Variants in ATP5MGL observed in about 807,000 individuals in gnomAD.
ATP5MGL encodes ATP synthase subunit g 2, mitochondrial.
For synonymous variants in ATP5MGL, 56 were observed against 48.3 expected (o/e 1.16, Z -0.66); for missense variants, 119 against 123.1 (o/e 0.97, Z 0.16).
chr22:42,640,061 C>A, the ATP5MGL span: 5 of 1,613,706 alleles, frequency 3.1e-6, no homozygotes, highest in Admixed American at 8.3e-5. Context: ...AGCAAAGCTT[C>A]CTTAACTGTG....
In ATP5MGL at chr22:42,640,136, G is replaced by C. The variant is rs778222320; in HGVS notation, c.139C>G (p.Pro47Ala). ...TTTTTCAGGCTCTGAATAGCTCTAG[G>C]GATCTCAGCAGGGGTGGGAGGAACC... ...ELVPPTPAEI[P>A]RAIQSLKKIV... The change falls in exon 1 of 1, where the codon CCT (proline) becomes GCT (alanine). Residue 47 changes from proline (P) to alanine (A), a missense_variant. Pro to Ala is a conservative substitution (Grantham distance 27). Coordinates refer to ENST00000505920, the MANE Select transcript of ATP5MGL (RefSeq NM_001165877.1). The C allele has an allele frequency of 3.7e-6, 6 of 1,613,694 alleles. No homozygotes were observed. Among genetic ancestry groups the C allele is most frequent in the Middle Eastern group, 1.6e-4 (1 of 6,062 alleles).
Position 42,640,491 on chromosome 22 carries a change from GC to G in ATP5MGL, c.-218del, listed in dbSNP as rs1214637438. The G allele has an allele frequency of 4.0e-6, 1 of 249,674 alleles. No individual in the cohort carries two copies. Among genetic ancestry groups the G allele is most frequent in the African/African-American group, 2.2e-5 (1 of 45,060 alleles). 15.5% of individuals were successfully genotyped at this position (249,674 alleles called of 1,614,324 possible). On this transcript the variant is annotated 5_prime_UTR_variant, in exon 1 of 1. Transcript: ENST00000505920. ...CCTCCCGGGTTCAAGTGATTTTCCT[GC>G]CTCAGCCTCCCGAGTAGCTGGGATT...
In ATP5MGL at chr22:42,640,041, C is replaced by G. The variant is rs780233162; in HGVS notation, c.234G>C (p.Leu78Phe). The change falls in exon 1 of 1, where the codon TTG (leucine) becomes TTC (phenylalanine). Residue 78 changes from leucine to phenylalanine, a missense_variant. By Grantham distance (22) the Leu-to-Phe change is conservative. Coordinates refer to ENST00000505920, the MANE Select transcript of ATP5MGL (RefSeq NM_001165877.1). ...LTVKEALLNG[L>F]VATEVSTWFY... Reference sequence around the variant, plus strand: ...ACCACGTCGACACCTCAGTGGCCACCAAACCGTTCAGCAAAGCTTCCTTAA... The same window carrying G: ...ACCACGTCGACACCTCAGTGGCCACGAAACCGTTCAGCAAAGCTTCCTTAA... 6.2e-7 allele frequency: 1 copy of G among 1,613,670 alleles called. No homozygotes were observed. Among genetic ancestry groups the G allele is most frequent in the East Asian group, 2.2e-5 (1 of 44,890 alleles).
Position 42,640,359 on chromosome 22 carries a change from T to G in ATP5MGL, c.-85A>C, listed in dbSNP as rs1929189598. On this transcript the variant is annotated 5_prime_UTR_variant, in exon 1 of 1. Coordinates refer to ENST00000505920, the MANE Select transcript of ATP5MGL (RefSeq NM_001165877.1). ...GACCCTGCGTGGTTCACTTATTTATTTATTTATTTATTTATTTATTTATTT... is the reference window on the plus strand; with the variant it reads ...GACCCTGCGTGGTTCACTTATTTATGTATTTATTTATTTATTTATTTATTT... 1 of 396,536 alleles carries G rather than the reference T, an allele frequency of 2.5e-6. No homozygotes were observed. The highest frequency in any genetic ancestry group is 3.4e-6 in the Non-Finnish European group (1 of 290,208). The allele number at this position is 396,536 out of a possible 1,614,324, so 24.6% of individuals were successfully genotyped here. A position where few individuals can be genotyped will look rare whatever the true frequency, so the allele number is the denominator to read the frequency against.
rs376776418 is a variant in ATP5MGL, at chr22:42,640,192, G to A, written c.83C>T (p.Ala28Val). 4.3e-5 allele frequency: 69 copies of A among 1,609,208 alleles called. No individual in the cohort carries two copies. In the African/African-American group the frequency reaches 7.6e-4, roughly 18 times the overall value. Residue 28 changes from alanine (A) to valine (V), a missense_variant, in exon 1 of 1, where the codon GCC becomes GTC. Coordinates refer to ENST00000505920, the MANE Select transcript of ATP5MGL (RefSeq NM_001165877.1). ...AAVTYLKPRL[A>V]AFWYYTTVEL... ...AACCGTGGTGTAGTACCAAAATGCG[G>A]CCAATCGAGGCTTCAAGTAAGTCAC...
rs529324150 is a variant in ATP5MGL at position 42,640,283 on chromosome 22, G to A, written c.-9C>T. ...CGGACAAATGGAGCCATGGTTCTGG[G>A]ATGGAAAGTCCATCATCCCGAATGG... On this transcript the variant is annotated 5_prime_UTR_variant, in exon 1 of 1. Coordinates refer to ENST00000505920, the MANE Select transcript of ATP5MGL (RefSeq NM_001165877.1). The A allele has an allele frequency of 1.3e-6, 2 of 1,550,120 alleles. No homozygotes were observed. Among genetic ancestry groups the A allele is most frequent in the African/African-American group, 1.4e-5 (1 of 73,390 alleles).
chr22:42,640,233 T>G lies in ATP5MGL; in HGVS notation c.42A>C (p.Ala14=). 2 of 1,588,946 alleles carry G rather than the reference T, an allele frequency of 1.3e-6. No homozygotes were observed. Among genetic ancestry groups the G allele is most frequent in the Non-Finnish European group, 1.7e-6 (2 of 1,170,214 alleles). Residue 14 remains alanine, a synonymous_variant, in exon 1 of 1, where the codon GCA becomes GCC. Coordinates refer to ENST00000505920, the MANE Select transcript of ATP5MGL (RefSeq NM_001165877.1). ...FVRNLVEKTP[A]LVNAAVTYLK... is the part of the protein sequence containing the mutation. Reference sequence around the variant, plus strand: ...AGTAAGTCACAGCAGCATTCACCAGTGCTGGGGTCTTCTCCACAAGGTTAC... The same window carrying G: ...AGTAAGTCACAGCAGCATTCACCAGGGCTGGGGTCTTCTCCACAAGGTTAC...
rs1364653192 is a variant in ATP5MGL, at chr22:42,640,438, G to C, written c.-164C>G. On this transcript the variant is annotated 5_prime_UTR_variant, in exon 1 of 1. Transcript: ENST00000505920. The stretch of plus-strand genomic sequence containing the variant: ...CTATCACCCAGGCTGGAGTACAGTG[G>C]TGTGATCTTGGCTAACTGTGACCTC... 1 of 462,308 alleles carries C rather than the reference G, an allele frequency of 2.2e-6. No individual in the cohort carries two copies. Among genetic ancestry groups the C allele is most frequent in the Non-Finnish European group, 3.2e-6 (1 of 314,064 alleles). 28.6% of individuals were successfully genotyped at this position (462,308 alleles called of 1,614,324 possible).
rs1405675341 is a variant in ATP5MGL, at chr22:42,640,106, C to G, written c.169G>C (p.Val57Leu). The G allele has an allele frequency of 3.7e-6, 6 of 1,613,918 alleles. No homozygotes were observed. Among genetic ancestry groups the G allele is most frequent in the South Asian group, 3.3e-5 (3 of 91,088 alleles). Residue 57 changes from valine (V) to leucine (L), a missense_variant, in exon 1 of 1, where the codon GTC becomes CTC. Val to Leu is a conservative substitution (Grantham distance 32). Coordinates refer to ENST00000505920, the MANE Select transcript of ATP5MGL (RefSeq NM_001165877.1). The stretch of plus-strand genomic sequence containing the variant: ...AAGCTACCAGTCTGAGCACTACTGA[C>G]TATTTTTTTCAGGCTCTGAATAGCT... ...PRAIQSLKKI[V>L]SSAQTGSFKQ...
rs1485234483 is a variant in ATP5MGL at position 42,640,262 on chromosome 22, C to A, written c.13G>T (p.Val5Phe). The stretch of plus-strand genomic sequence containing the variant: ...GGGGTCTTCTCCACAAGGTTACGGA[C>A]AAATGGAGCCATGGTTCTGGGATGG... The part of the protein sequence containing the change: MAPF[V>F]RNLVEKTPAL... The change falls in exon 1 of 1, where the codon GTC becomes TTC. Residue 5 changes from valine (V) to phenylalanine (F), a missense_variant. By Grantham distance (50) the Val-to-Phe change is conservative (BLOSUM62 -1). Transcript: ENST00000505920. The A allele has an allele frequency of 6.4e-7, 1 of 1,563,006 alleles. No individual in the cohort carries two copies. The highest frequency in any genetic ancestry group is 8.6e-7 in the Non-Finnish European group (1 of 1,157,370).
In ATP5MGL at chr22:42,640,297, C is replaced by T. The variant is rs1030454242; in HGVS notation, c.-23G>A. ...CATGGTTCTGGGATGGAAAGTCCATCATCCCGAATGGCCAGCTGAAGGTCA... is the reference window on the plus strand; with the variant it reads ...CATGGTTCTGGGATGGAAAGTCCATTATCCCGAATGGCCAGCTGAAGGTCA... On this transcript the variant is annotated 5_prime_UTR_variant, in exon 1 of 1. An upstream start codon of the reference 5' UTR is lost. Coordinates refer to ENST00000505920, the MANE Select transcript of ATP5MGL (RefSeq NM_001165877.1). The T allele has an allele frequency of 9.8e-6, 15 of 1,537,336 alleles. No homozygotes were observed. In the Admixed American group the frequency reaches 2.3e-4, roughly 24 times the overall value.
rs1232111681 is a variant in ATP5MGL, at chr22:42,640,067, C to T, written c.208G>A (p.Val70Ile). 1.2e-6 allele frequency: 2 copies of T among 1,613,882 alleles called. No individual in the cohort carries two copies. The highest frequency in any genetic ancestry group is 4.5e-5 in the East Asian group (2 of 44,892). Reference protein sequence around the residue: ...AQTGSFKQLTVKEALLNGLVA... With the variant: ...AQTGSFKQLTIKEALLNGLVA... ...AAACCGTTCAGCAAAGCTTCCTTAACTGTGAGCTGTTTGAAGCTACCAGTC... is the reference window on the plus strand; with the variant it reads ...AAACCGTTCAGCAAAGCTTCCTTAATTGTGAGCTGTTTGAAGCTACCAGTC... The change falls in exon 1 of 1, where the codon GTT (valine) becomes ATT (isoleucine). Residue 70 changes from valine to isoleucine, a missense_variant. Val to Ile is a conservative substitution (Grantham distance 29, BLOSUM62 3). Coordinates refer to ENST00000505920, the MANE Select transcript of ATP5MGL (RefSeq NM_001165877.1).
chr22:42,639,967 A>G lies in ATP5MGL; in HGVS notation c.*5T>C. 1.2e-6 allele frequency: 2 copies of G among 1,610,072 alleles called. No individual in the cohort carries two copies. Among genetic ancestry groups the G allele is most frequent in the Non-Finnish European group, 1.7e-6 (2 of 1,179,530 alleles). On this transcript the variant is annotated 3_prime_UTR_variant, in exon 1 of 1. Coordinates refer to ENST00000505920, the MANE Select transcript of ATP5MGL (RefSeq NM_001165877.1). ...ATCAGATGTTAAGACTGGTCTTCAA[A>G]CATTCTAGCCAATGATGCCACGCTT...
the ATP5MGL span, chr22:42,640,108 A>AT: frequency 6.2e-7 from 1 of 1,613,712 alleles, no homozygotes; most frequent in Admixed American, 1.7e-5. Context: ...ACTACTGACT[A>AT]TTTTTTTCAG....
At position 42,640,545 on chromosome 22, in the gene ATP5MGL, A is replaced by T. The variant is rs7293119; in HGVS notation, c.-271T>A. 3,080 of 176,920 alleles carry T rather than the reference A, an allele frequency of 0.017. 100 individuals are homozygous for T. Among genetic ancestry groups the T allele is most frequent in the African/African-American group, 0.069 (2,935 of 42,626 alleles). 11.0% of individuals were successfully genotyped at this position (176,920 alleles called of 1,614,324 possible). A position where few individuals can be genotyped will look rare whatever the true frequency, so the allele number is the denominator to read the frequency against. On this transcript the variant is annotated 5_prime_UTR_variant, in exon 1 of 1. Coordinates refer to ENST00000505920, the MANE Select transcript of ATP5MGL (RefSeq NM_001165877.1). ...AGGTGAGCACCACCACGTCTGGCTA[A>T]TTTTTGTACTTTTAGTAGAGACAAT...
At position 42,639,888 on chromosome 22, in the gene ATP5MGL, A is replaced by C; in HGVS notation, c.*84T>G. The C allele has an allele frequency of 7.2e-7, 1 of 1,391,638 alleles. No individual in the cohort carries two copies. Among genetic ancestry groups the C allele is most frequent in the African/African-American group, 1.5e-5 (1 of 68,660 alleles). The allele number at this position is 1,391,638 out of a possible 1,614,324, so 86.2% of individuals were successfully genotyped here. A position where few individuals can be genotyped will look rare whatever the true frequency, so the allele number is the denominator to read the frequency against. ...TTCTGACAAATCTTATTTTATTCAG[A>C]TAGCAGTCTGATCACACCTGGTCCA... On this transcript the variant is annotated 3_prime_UTR_variant, in exon 1 of 1. Coordinates refer to ENST00000505920, the MANE Select transcript of ATP5MGL (RefSeq NM_001165877.1).
Position 42,640,350 on chromosome 22 carries a change from C to T in ATP5MGL, c.-76G>A, listed in dbSNP as rs1215502018. The T allele has an allele frequency of 1.0e-5, 5 of 476,190 alleles. No individual in the cohort carries two copies. The highest frequency in any genetic ancestry group is 8.3e-5 in the South Asian group (1 of 12,020). The allele number at this position is 476,190 out of a possible 1,614,324, so 29.5% of individuals were successfully genotyped here. A position where few individuals can be genotyped will look rare whatever the true frequency, so the allele number is the denominator to read the frequency against. On this transcript the variant is annotated 5_prime_UTR_variant, in exon 1 of 1. In the 5' UTR this introduces an upstream ATG that the reference lacks. Coordinates refer to ENST00000505920, the MANE Select transcript of ATP5MGL (RefSeq NM_001165877.1). ...CCCCGGAAGGACCCTGCGTGGTTCACTTATTTATTTATTTATTTATTTATT... is the reference window on the plus strand; with the variant it reads ...CCCCGGAAGGACCCTGCGTGGTTCATTTATTTATTTATTTATTTATTTATT...
chr22:42,640,302 C>T lies in ATP5MGL; in HGVS notation c.-28G>A, dbSNP rs760614283. The T allele has an allele frequency of 4.6e-5, 70 of 1,530,212 alleles. No individual in the cohort carries two copies. The highest frequency in any genetic ancestry group is 7.3e-5 in the East Asian group (3 of 40,838). The allele number at this position is 1,530,212 out of a possible 1,614,324, so 94.8% of individuals were successfully genotyped here. ...TTCTGGGATGGAAAGTCCATCATCC[C>T]GAATGGCCAGCTGAAGGTCACCCCC... On this transcript the variant is annotated 5_prime_UTR_variant, in exon 1 of 1. Coordinates refer to ENST00000505920, the MANE Select transcript of ATP5MGL (RefSeq NM_001165877.1).
rs1163218254 is a variant in ATP5MGL at position 42,640,568 on chromosome 22, A to G, written c.-294T>C. 6.2e-6 allele frequency: 1 copy of G among 162,302 alleles called. No homozygotes were observed. The allele number at this position is 162,302 out of a possible 1,614,324, so 10.1% of individuals were successfully genotyped here. The stretch of plus-strand genomic sequence containing the variant: ...TAATTTTTGTACTTTTAGTAGAGAC[A>G]ATGTTTCGCCATGTTGGCCAGGCTG... On this transcript the variant is annotated 5_prime_UTR_variant, in exon 1 of 1. Transcript: ENST00000505920.
Sources: gnomAD v4.1 joint callset for allele counts on GRCh38, gnomAD v4.1.1 for gene constraint, MANE v1.5 for transcripts, NCBI Gene and HGNC (gene_info 2026-07-23, HGNC 2026-07-21) for gene names.